GALNT13: variants seen among roughly 807,000 people sequenced by gnomAD.
GALNT13 encodes the protein UDP-GalNAc:polypeptide N-acetylgalactosaminyltransferase 13.
A neutral mutation model predicts 64.2 loss-of-function variants in GALNT13; 28 were observed. The ratio of observed to expected loss-of-function variants is 0.44; its 90% CI spans 0.32 to 0.60. GALNT13 has a LOEUF of 0.60. Ranked by LOEUF, GALNT13 falls within the 20% of genes least tolerant of loss-of-function variation. The probability of loss-of-function intolerance (pLI) is 0.05; values close to 1 mark genes in which losing one functional copy is unlikely to be tolerated. For missense variants in GALNT13, 577 were observed against 669.8 expected, an observed-to-expected ratio of 0.86 and a Z score of 1.53; for synonymous variants, 214 against 224.6, an observed-to-expected ratio of 0.95 and a Z score of 0.42.
At chr2:153,344,578 T>C in the GALNT13 span, among the ~76,000 whole-genome samples, 1 of 152,104 alleles carries the variant, frequency 6.6e-6, no homozygotes, top group African/African-American at 2.4e-5. Flanking sequence ...TCCCCAGCTT[T>C]TTTTGTGATT....
chr2:153,182,078 C>G, the GALNT13 span, among the ~76,000 whole-genome samples: 1 of 151,112 alleles, frequency 6.6e-6, no homozygotes, highest in African/African-American at 2.4e-5. Context: ...GGGTCTCGCT[C>G]TGTCGCCCAG....
chr2:153,156,216 T>G, the GALNT13 span, among the ~76,000 whole-genome samples: 2 of 152,306 alleles, frequency 1.3e-5, no homozygotes, highest in East Asian at 3.9e-4. Context: ...TTTGTTGTTT[T>G]GGGATGGAGA....
the GALNT13 span, among the ~76,000 whole-genome samples, chr2:153,152,652 T>C: frequency 2.6e-5 from 4 of 152,136 alleles, no homozygotes; most frequent in Admixed American, 2.6e-4. Flanking sequence ...AGTGAGGACA[T>C]GTAGTATTAG....
the GALNT13 span, among the ~76,000 whole-genome samples, chr2:153,225,808 A>G: frequency 2.0e-5 from 3 of 152,224 alleles, no homozygotes; most frequent in African/African-American, 7.2e-5. Flanking sequence ...TAAAACACTG[A>G]TGAGAGAAAT....
the GALNT13 span, among the ~76,000 whole-genome samples, chr2:153,255,833 T>G: frequency 6.6e-6 from 1 of 152,222 alleles, no homozygotes; most frequent in Non-Finnish European, 1.5e-5. Flanking sequence ...TGCTGAGAGA[T>G]CAGCTGTTAG....
At chr2:153,896,833 T>C (rs1265954951) in intron 1 of GALNT13, among the ~76,000 whole-genome samples, 1 of 152,200 alleles carries the variant, frequency 6.6e-6, no homozygotes, top group Non-Finnish European at 1.5e-5. Context: ...TTCCTAAATA[T>C]AAATGTCTAG....
the GALNT13 span, among the ~76,000 whole-genome samples, chr2:153,304,968 A>G: frequency 6.6e-6 from 1 of 152,288 alleles, no homozygotes; most frequent in African/African-American, 2.4e-5. Context: ...AGGCTGAAAC[A>G]TTTTTAATTA....
the GALNT13 span, among the ~76,000 whole-genome samples, chr2:153,633,821 A>T: frequency 1.7e-4 from 26 of 152,196 alleles, no homozygotes; most frequent in Admixed American, 1.6e-3. Context: ...TGCATTTTTC[A>T]TAGCAAAACA....
At chr2:153,932,413 G>A (rs1407649914) in intron 2 of GALNT13, among the ~76,000 whole-genome samples, 4 of 151,674 alleles carry the variant, frequency 2.6e-5, no homozygotes, top group Admixed American at 6.6e-5. Flanking sequence ...ACTTTTTCAT[G>A]TGTGCTATAG....
the GALNT13 span, among the ~76,000 whole-genome samples, chr2:153,345,718 TG>T: frequency 0.037 from 1,661 of 44,564 alleles, 62 homozygotes; most frequent in Admixed American, 0.077. Flanking sequence ...TCTCTCTTTC[TG>T]TCCTTCCTTC....
the GALNT13 span, among the ~76,000 whole-genome samples, chr2:153,154,331 C>T: frequency 6.6e-6 from 1 of 152,148 alleles, no homozygotes; most frequent in East Asian, 1.9e-4. Flanking sequence ...CCTTTGCTCT[C>T]CTTTGCCTTC....
chr2:153,999,892 A>G (rs190529669), intron 3 of GALNT13, among the ~76,000 whole-genome samples: 3 of 152,030 alleles, frequency 2.0e-5, no homozygotes, highest in East Asian at 3.9e-4. Flanking sequence ...AAGAATTGGT[A>G]TTAGTTCTTT....
chr2:153,129,369 A>G, the GALNT13 span, among the ~76,000 whole-genome samples: 1 of 152,286 alleles, frequency 6.6e-6, no homozygotes, highest in Non-Finnish European at 1.5e-5. Flanking sequence ...GGCAAGCTAG[A>G]TGATTTCTAG....
rs147646040 is a variant in GALNT13 at position 154,046,346 on chromosome 2, T to C, written c.143-93991T>C. On this transcript the variant is annotated intron_variant, in intron 3 of 12. Coordinates refer to ENST00000392825, the MANE Select transcript of GALNT13 (RefSeq NM_052917.4). ...AAAATTAAAATTGAAAAAAGGACCC[T>C]GATAACCATTTGTAGATACAAACAC... Among the ~76,000 whole-genome samples, 514 of 152,122 alleles carry C rather than the reference T, an allele frequency of 3.4e-3. 4 individuals carry two copies. The highest frequency in any genetic ancestry group is 0.012 in the African/African-American group (484 of 41,492).
At chr2:153,373,307 T>G in the GALNT13 span, among the ~76,000 whole-genome samples, 3 of 152,268 alleles carry the variant, frequency 2.0e-5, no homozygotes, top group African/African-American at 7.2e-5. Context: ...ACAAAGAGTA[T>G]TTACTAAAAT....
chr2:153,626,376 A>G, the GALNT13 span, among the ~76,000 whole-genome samples: 961 of 152,174 alleles, frequency 6.3e-3, 46 homozygotes, highest in Admixed American at 0.056. Context: ...TACAAATTGT[A>G]TTTTTCTGAA....
intron 3 of GALNT13, among the ~76,000 whole-genome samples, chr2:154,117,785 C>T (rs912206657): frequency 7.2e-5 from 11 of 152,148 alleles, no homozygotes; most frequent in African/African-American, 2.7e-4. Flanking sequence ...TGGCAAGCCA[C>T]ATGTAAGAGA....
the GALNT13 span, among the ~76,000 whole-genome samples, chr2:153,411,373 G>A: frequency 1.4e-4 from 22 of 152,080 alleles, no homozygotes; most frequent in Admixed American, 1.4e-3. Context: ...TCTGACATGG[G>A]AAGCTCAGGG....
the GALNT13 span, among the ~76,000 whole-genome samples, chr2:153,339,029 G>A: frequency 4.6e-5 from 7 of 152,116 alleles, no homozygotes; most frequent in Non-Finnish European, 7.3e-5. Flanking sequence ...TCTGTTGATG[G>A]ACACTTAGGT....
Sources: gnomAD v4.1 joint callset for allele counts (sites outside exome capture counted in the v4.1 genomes callset) on GRCh38, gnomAD v4.1.1 for gene constraint, MANE v1.5 for transcripts, NCBI Gene and HGNC (gene_info 2026-07-23, HGNC 2026-07-21) for gene names.